The following PTPN2 variants were observed in gnomAD, a reference collection of about 807,000 sequenced individuals.
PTPN2 encodes the protein tyrosine-protein phosphatase non-receptor type 2.
PTPN2 carries 19 observed loss-of-function variants against 57.3 expected under a neutral mutation model. That is an observed-to-expected ratio of 0.33 (90% confidence interval 0.23 to 0.49). PTPN2 has a LOEUF of 0.49. Among genes scored for constraint, PTPN2 ranks in the 20% least tolerant of loss-of-function variants. The pLI, the probability that PTPN2 is intolerant of heterozygous loss-of-function variation, is 0.99. For missense variants in PTPN2, 358 were observed against 501.1 expected (o/e 0.71, Z 2.73); for synonymous variants, 153 against 164.9 (o/e 0.93, Z 0.55).
intron 2 of PTPN2, among the ~76,000 whole-genome samples, chr18:12,858,823 C>G (rs182842715): frequency 6.6e-6 from 1 of 152,032 alleles, no homozygotes; most frequent in East Asian, 1.9e-4. Flanking sequence ...GCAAAACTTA[C>G]AAAGGGGATG....
At chr18:12,787,209 T>G (rs886235173), downstream of PTPN2, 41 of 152,316 alleles carry the variant, frequency 2.7e-4, no homozygotes, top group African/African-American at 9.6e-4. Flanking sequence ...TAAGAGTGGT[T>G]GTCTATTACT....
chr18:12,834,692 G>C (rs929017714), intron 3 of PTPN2, among the ~76,000 whole-genome samples: 1 of 151,430 alleles, frequency 6.6e-6, no homozygotes, highest in African/African-American at 2.4e-5. Flanking sequence ...GAAAACCATG[G>C]TCTTAAAGGG....
At chr18:12,863,186 G>C (rs1278117001) in intron 1 of PTPN2, 3 of 152,226 alleles carry the variant, frequency 2.0e-5, no homozygotes, top group Non-Finnish European at 4.4e-5. Context: ...TCTGGGCACA[G>C]TGGCTCACAC....
chr18:12,809,426 A>G (rs1339622187), intron 7 of PTPN2, among the ~76,000 whole-genome samples: 2 of 152,202 alleles, frequency 1.3e-5, no homozygotes, highest in African/African-American at 4.8e-5. Flanking sequence ...ACGCATATAT[A>G]ACCTATGCAC....
At chr18:12,787,510 T>A (rs1249849705), downstream of PTPN2, 1 of 152,244 alleles carries the variant, frequency 6.6e-6, no homozygotes, top group Middle Eastern at 3.2e-3. Context: ...ATACCTCATG[T>A]CCTTCCCCAG....
intron 7 of PTPN2, among the ~76,000 whole-genome samples, chr18:12,811,898 C>T (rs2041903650): frequency 6.6e-6 from 1 of 152,230 alleles, no homozygotes; most frequent in South Asian, 2.1e-4. Context: ...GGAGCCATGC[C>T]CCCCACACAA....
chr18:12,852,092 C>G (rs576688515), intron 2 of PTPN2, among the ~76,000 whole-genome samples: 12 of 151,868 alleles, frequency 7.9e-5, no homozygotes, highest in African/African-American at 2.9e-4. Context: ...TTCAGTTATA[C>G]AAGATGGAAA....
At chr18:12,877,034 T>C (rs1201644064) in intron 1 of PTPN2, among the ~76,000 whole-genome samples, 2 of 152,336 alleles carry the variant, frequency 1.3e-5, no homozygotes, top group East Asian at 1.9e-4. Flanking sequence ...GTCCCAGTTA[T>C]GACACTAGCA....
downstream of PTPN2, among the ~76,000 whole-genome samples, chr18:12,790,007 A>C (rs948335822): frequency 6.6e-5 from 10 of 151,944 alleles, no homozygotes; most frequent in African/African-American, 2.2e-4. Context: ...ATCATAGTTC[A>C]CTGCAGCCTC....
intron 5 of PTPN2, among the ~76,000 whole-genome samples, chr18:12,819,958 T>C (rs1262384977): frequency 6.6e-6 from 1 of 152,226 alleles, no homozygotes; most frequent in Non-Finnish European, 1.5e-5. Context: ...GGCCTTCATG[T>C]GGTCTGCTTT....
At chr18:12,797,268 G>A (rs1568079073) in intron 8 of PTPN2, among the ~76,000 whole-genome samples, 2 of 151,898 alleles carry the variant, frequency 1.3e-5, no homozygotes, top group South Asian at 4.2e-4. Context: ...AATCTTTAAC[G>A]TATTATTTCA....
chr18:12,807,586 A>ATATATAT (rs1555660749), intron 7 of PTPN2, among the ~76,000 whole-genome samples: 163 of 35,156 alleles, frequency 4.6e-3, no homozygotes, highest in African/African-American at 8.7e-3. Flanking sequence ...AAAAAAAAAA[A>ATATATAT]ATATATATAT....
chr18:12,874,320 T>A (rs9961539), intron 1 of PTPN2, among the ~76,000 whole-genome samples: 1 of 104,186 alleles, frequency 9.6e-6, no homozygotes, highest in Non-Finnish European at 1.9e-5. Context: ...AGCCCCCCGC[T>A]TGGCCAGCCG....
intron 4 of PTPN2, 141 bp from the exon 5 acceptor site, chr18:12,826,085 T>C: frequency 1.5e-6 from 1 of 650,034 alleles, no homozygotes; most frequent in Non-Finnish European, 2.5e-6. Context: ...TACTATATTC[T>C]ACGCTTAATG....
rs781346382 is a variant in PTPN2, at chr18:12,803,757, T to C, written c.859-1606A>G. Among the ~76,000 whole-genome samples, 7 of 152,096 alleles carry C rather than the reference T, an allele frequency of 4.6e-5. No individual in the cohort carries two copies. In the East Asian group the frequency reaches 5.8e-4, roughly 13 times the overall value. On this transcript the variant is annotated intron_variant, in intron 7 of 8. Coordinates refer to ENST00000309660, the MANE Select transcript of PTPN2 (RefSeq NM_002828.4). ...GTATTATTACATCTAAAGGGAGACATAGACTGCAATACAATAATAGCAGGA... is the reference window on the plus strand; with the variant it reads ...GTATTATTACATCTAAAGGGAGACACAGACTGCAATACAATAATAGCAGGA...
In PTPN2 at chr18:12,817,075, T is replaced by C. The variant is rs528387941; in HGVS notation, c.705+81A>G. The C allele has an allele frequency of 1.1e-5, 14 of 1,300,944 alleles. No homozygotes were observed. The South Asian group carries it at 1.7e-4, about 16-fold the overall frequency. 80.6% of individuals were successfully genotyped at this position (1,300,944 alleles called of 1,614,324 possible). A position where few individuals can be genotyped will look rare whatever the true frequency, so the allele number is the denominator to read the frequency against. On this transcript the variant is annotated intron_variant, in intron 6 of 8. Transcript: ENST00000309660. ...AAAACCTCAGTTCTGGGATACAGCA[T>C]CAGAGTTTATTCACTGCCAGTGGAA...
In PTPN2 at chr18:12,831,009, C is replaced by T; in HGVS notation, c.294G>A (p.Trp98Ter). The change falls in exon 4 of 9, where the codon TGG becomes TGA. Residue 98 changes from tryptophan (W) to a stop codon, truncating the protein, a stop_gained. Transcript: ENST00000309660. LOFTEE classifies it high-confidence loss of function. ...GPLPNTCCHF[W>*]LMVWQQKTKA... is the part of the protein sequence containing the mutation. ...TGGTCTTCTGCTGCCAAACCATAAG[C>T]CAGAAATGGCAGCATGTGTTAGGAA... 2 of 1,610,108 alleles carry T rather than the reference C, an allele frequency of 1.2e-6. No individual in the cohort carries two copies. The highest frequency in any genetic ancestry group is 1.7e-6 in the Non-Finnish European group (2 of 1,176,492).
Position 12,792,995 on chromosome 18 carries a change from TA to T in PTPN2, c.*1282del. On this transcript the variant is annotated 3_prime_UTR_variant, in exon 9 of 9. Transcript: ENST00000309660. ...AAGGCAGAGATGCTGTGGTTGAAAG[TA>T]ACCTCTTGACCCACCTGGACATCCA... is the stretch of plus-strand genomic sequence containing the variant. The T allele has an allele frequency of 6.1e-6, 6 of 984,896 alleles. No individual in the cohort carries two copies. The highest frequency in any genetic ancestry group is 7.2e-6 in the Non-Finnish European group (6 of 829,444). The allele number at this position is 984,896 out of a possible 1,614,324, so 61.0% of individuals were successfully genotyped here.
intron 7 of PTPN2, 78 bp from the exon 8 acceptor site, chr18:12,802,229 A>G (rs545000678): frequency 1.8e-6 from 2 of 1,139,904 alleles, no homozygotes; most frequent in Middle Eastern, 5.8e-4. Flanking sequence ...TTTATGAATT[A>G]AAATCCTATA....
Sources: gnomAD v4.1 joint callset for allele counts (sites outside exome capture counted in the v4.1 genomes callset) on GRCh38, gnomAD v4.1.1 for gene constraint, MANE v1.5 for transcripts, NCBI Gene and HGNC (gene_info 2026-07-23, HGNC 2026-07-21) for gene names.